The following DAPK2 variants were observed in gnomAD, a reference collection of about 807,000 sequenced individuals.
DAPK2 encodes the protein death associated protein kinase 2, also known as death-associated protein kinase 2.
A neutral mutation model predicts 44.1 loss-of-function variants in DAPK2; 35 were observed. The ratio of observed to expected loss-of-function variants is 0.79; its 90% CI spans 0.61 to 1.05. DAPK2 has a LOEUF of 1.05. DAPK2 is among the 50% of genes least tolerant of loss of function. The pLI, the probability that DAPK2 is intolerant of heterozygous loss-of-function variation, is 0.00. For missense variants in DAPK2, 453 were observed against 483.2 expected (o/e 0.94, Z 0.59); for synonymous variants, 174 against 182.6 (o/e 0.95, Z 0.38).
At position 64,010,699 on chromosome 15, in the gene DAPK2, G is replaced by A. The variant is rs552084598; in HGVS notation, c.93-26945C>T. 9.6e-4 allele frequency among the ~76,000 whole-genome samples: 146 copies of A among 152,224 alleles called. 2 individuals are homozygous for A. In the South Asian group the frequency reaches 0.027, roughly 28 times the overall value. On this transcript the variant is annotated intron_variant, in intron 1 of 10. Coordinates refer to ENST00000261891, the Ensembl canonical transcript of DAPK2. ...TCATTTGTCTACCCATCCCCACTTC[G>A]GAAAACAATGGGTCAGTCTGCTACC... is the stretch of plus-strand genomic sequence containing the variant.
intron 4 of DAPK2, among the ~76,000 whole-genome samples, chr15:63,931,861 C>T (rs1417025579): frequency 6.6e-6 from 1 of 152,012 alleles, no homozygotes; most frequent in African/African-American, 2.4e-5. Context: ...CCCCGCAGTG[C>T]CCAGAGTGTC....
intron 2 of DAPK2, among the ~76,000 whole-genome samples, chr15:63,972,990 C>T (rs187810472): frequency 2.0e-5 from 3 of 152,190 alleles, no homozygotes; most frequent in Admixed American, 2.0e-4. Context: ...GGAAGAATAA[C>T]CCTGAAGTCA....
intron 1 of DAPK2, among the ~76,000 whole-genome samples, chr15:64,004,363 C>T (rs1204598452): frequency 6.6e-6 from 1 of 152,118 alleles, no homozygotes; most frequent in African/African-American, 2.4e-5. Context: ...TCAGGAGGCG[C>T]CTAACGTTGG....
intron 1 of DAPK2, among the ~76,000 whole-genome samples, chr15:64,037,390 C>T (rs760482043): frequency 2.6e-5 from 4 of 152,214 alleles, no homozygotes; most frequent in Non-Finnish European, 5.9e-5. Context: ...TCTCTAACCA[C>T]CCAGATGGAA....
At chr15:63,952,764 G>T (rs987769902) in intron 3 of DAPK2, among the ~76,000 whole-genome samples, 1 of 151,936 alleles carries the variant, frequency 6.6e-6, no homozygotes, top group African/African-American at 2.4e-5. Context: ...GATGAACAGG[G>T]TATCCATCAT....
At chr15:64,040,875 C>T (rs981585902), upstream of DAPK2, among the ~76,000 whole-genome samples, 1 of 134,666 alleles carries the variant, frequency 7.4e-6, no homozygotes, top group African/African-American at 2.8e-5. Context: ...GATCACACCA[C>T]TGCACTCCAG....
intron 8 of DAPK2, chr15:63,922,963 G>T: frequency 6.5e-7 from 1 of 1,535,866 alleles, no homozygotes; most frequent in Non-Finnish European, 8.7e-7. Context: ...CCATGCTTCC[G>T]AGGCTACATC....
chr15:63,976,677 G>T (rs972829828), intron 2 of DAPK2, among the ~76,000 whole-genome samples: 1 of 152,170 alleles, frequency 6.6e-6, no homozygotes, highest in African/African-American at 2.4e-5. Flanking sequence ...TGCACCCTGG[G>T]CAACAGAGTG....
At chr15:64,045,110 C>T (rs760173830), upstream of DAPK2, among the ~76,000 whole-genome samples, 31 of 152,318 alleles carry the variant, frequency 2.0e-4, no homozygotes, top group Admixed American at 2.6e-4. Context: ...GTTCACCCCA[C>T]AGCTAACAAA....
intron 4 of DAPK2, among the ~76,000 whole-genome samples, chr15:63,931,745 G>C (rs1172609313): frequency 6.6e-6 from 1 of 152,184 alleles, no homozygotes; most frequent in Non-Finnish European, 1.5e-5. Flanking sequence ...GAGCAGGAGA[G>C]GGTGCAGAGA....
intron 1 of DAPK2, among the ~76,000 whole-genome samples, chr15:63,994,278 C>T (rs16947645): frequency 0.37 from 55,866 of 151,886 alleles, 11,252 homozygotes; most frequent in East Asian, 0.85. Context: ...GCTGAAGAAC[C>T]GGGAAGTGTG....
intron 2 of DAPK2, among the ~76,000 whole-genome samples, chr15:63,974,118 T>C (rs1002710728): frequency 6.6e-6 from 1 of 152,224 alleles, no homozygotes; most frequent in Non-Finnish European, 1.5e-5. Context: ...CTTCCTATAG[T>C]TGATGTGACA....
At chr15:63,951,564 C>T (rs8025990) in intron 3 of DAPK2, among the ~76,000 whole-genome samples, 4,313 of 152,186 alleles carry the variant, frequency 0.028, 202 homozygotes, top group African/African-American at 0.094. Flanking sequence ...TCCTTGGCAG[C>T]GAGCATTTGT....
chr15:64,012,472 A>G (rs955537642), intron 1 of DAPK2, among the ~76,000 whole-genome samples: 24 of 152,252 alleles, frequency 1.6e-4, no homozygotes, highest in African/African-American at 5.8e-4. Flanking sequence ...AGGTATGCAG[A>G]TGTATGTAAA....
intron 1 of DAPK2, among the ~76,000 whole-genome samples, chr15:64,023,696 TCAACTGATGAC>T (rs776744718): frequency 1.3e-5 from 2 of 152,192 alleles, no homozygotes; most frequent in African/African-American, 2.4e-5. Flanking sequence ...ACTCTTCAAA[TCAACTGATGAC>T]CACTGGGCCT....
intron 1 of DAPK2, among the ~76,000 whole-genome samples, chr15:64,025,370 G>A (rs1003194159): frequency 6.6e-5 from 10 of 152,104 alleles, no homozygotes; most frequent in African/African-American, 1.9e-4. Flanking sequence ...CATCCAGAGC[G>A]CCCTTCCCTT....
chr15:64,032,679 G>T (rs2080050140), intron 1 of DAPK2, among the ~76,000 whole-genome samples: 7 of 152,204 alleles, frequency 4.6e-5, no homozygotes, highest in African/African-American at 1.7e-4. Context: ...AGCCAGGCGT[G>T]GTGGTTTACA....
rs1236334659 is a variant in DAPK2, at chr15:63,971,422, C to T, written c.453+1G>A. On this transcript the variant is annotated splice_donor_variant, in intron 3 of 10. Coordinates refer to ENST00000261891, the Ensembl canonical transcript of DAPK2. LOFTEE classifies it high-confidence loss of function. ...TCTTTTCCCTTTCTCCCCTTACTGACCTTGAGATCAAAGTGAGCAATTTTC... is the reference window on the plus strand; with the variant it reads ...TCTTTTCCCTTTCTCCCCTTACTGATCTTGAGATCAAAGTGAGCAATTTTC... 6.2e-7 allele frequency: 1 copy of T among 1,614,124 alleles called. No homozygotes were observed. The highest frequency in any genetic ancestry group is 8.5e-7 in the Non-Finnish European group (1 of 1,179,980).
chr15:64,042,526 AT>A (rs748668639), upstream of DAPK2, among the ~76,000 whole-genome samples: 34 of 152,166 alleles, frequency 2.2e-4, no homozygotes, highest in Non-Finnish European at 4.3e-4. This position sits in a 1 kb window ranked among gnomAD's most constrained non-coding sequence, Gnocchi z 4.7. Context: ...GGCCAGCTCC[AT>A]TTGCTGAGAG....
Sources: gnomAD v4.1 joint callset for allele counts (sites outside exome capture counted in the v4.1 genomes callset) on GRCh38, gnomAD v4.1.1 for gene constraint, Gnocchi (gnomAD v3.1) non-coding constraint, MANE v1.5 for transcripts, NCBI Gene and HGNC (gene_info 2026-07-23, HGNC 2026-07-21) for gene names.